Variants in TRAF6 observed in about 807,000 individuals in gnomAD.
TRAF6 encodes TNF receptor-associated factor 6.
In TRAF6, 10 loss-of-function variants were observed where a neutral mutation model predicts 48.4. That is an observed-to-expected ratio of 0.21 (90% CI 0.13 to 0.35). The LOEUF is 0.35. Among genes scored for constraint, TRAF6 ranks in the 10% least tolerant of loss-of-function variants. The pLI is 1.00. For missense variants in TRAF6, 397 were observed against 661.0 expected, an observed-to-expected ratio of 0.60 and a Z score of 4.38; for synonymous variants, 186 against 219.6, an observed-to-expected ratio of 0.85 and a Z score of 1.35.
intron 6 of TRAF6, among the ~76,000 whole-genome samples, chr11:36,492,112 T>A (rs1167783776): frequency 2.0e-5 from 3 of 152,168 alleles, no homozygotes; most frequent in African/African-American, 7.2e-5. Context: ...GGCTCCTAGG[T>A]CTATCTTGAC....
intron 1 of TRAF6, among the ~76,000 whole-genome samples, chr11:36,504,185 A>G (rs1205776353): frequency 6.9e-6 from 1 of 145,082 alleles, no homozygotes; most frequent in Non-Finnish European, 1.5e-5. Flanking sequence ...AATTTCTCAA[A>G]ATAATACAAC....
intron 1 of TRAF6, among the ~76,000 whole-genome samples, chr11:36,509,824 G>C (rs189978633): frequency 6.6e-6 from 1 of 151,892 alleles, no homozygotes; most frequent in Non-Finnish European, 1.5e-5. Context: ...GGAAGCGAGA[G>C]GACAGGGGCG....
chr11:36,497,610 A>C (rs377586519), intron 3 of TRAF6, among the ~76,000 whole-genome samples: 4 of 152,240 alleles, frequency 2.6e-5, no homozygotes, highest in African/African-American at 9.6e-5. Flanking sequence ...TATCTGCCTT[A>C]AACATTTAAT....
intron 1 of TRAF6, among the ~76,000 whole-genome samples, chr11:36,508,089 C>T (rs2133682053): frequency 6.6e-6 from 1 of 151,996 alleles, no homozygotes; most frequent in African/African-American, 2.4e-5. Context: ...GCTATCCTCC[C>T]ACCTCAGCCT....
chr11:36,505,512 G>C (rs1467203922), intron 1 of TRAF6, among the ~76,000 whole-genome samples: 1 of 152,180 alleles, frequency 6.6e-6, no homozygotes, highest in Non-Finnish European at 1.5e-5. Context: ...TTAGGTTTTG[G>C]ATTAAGGAAA....
At chr11:36,491,878 G>C (rs1027458377) in intron 6 of TRAF6, among the ~76,000 whole-genome samples, 6 of 152,118 alleles carry the variant, frequency 3.9e-5, no homozygotes, top group Non-Finnish European at 8.8e-5. Context: ...TCCCTAGCTG[G>C]GTGAAGTCAT....
intron 5 of TRAF6, among the ~76,000 whole-genome samples, chr11:36,493,400 A>C (rs1187077817): frequency 1.3e-5 from 2 of 152,276 alleles, no homozygotes; most frequent in East Asian, 1.9e-4. Context: ...GGGGCCAATA[A>C]AATTTTTTGT....
In TRAF6 at chr11:36,498,651, C is replaced by G; in HGVS notation, c.297-11G>C. 6.3e-7 allele frequency: 1 copy of G among 1,596,234 alleles called. No individual in the cohort carries two copies. The highest frequency in any genetic ancestry group is 1.1e-5 in the South Asian group (1 of 87,590). On this transcript the variant is annotated splice_polypyrimidine_tract_variant and intron_variant, in intron 2 of 6. Transcript: ENST00000526995. ...TTGTGACCTGCATCCCTAACAGAAACAAAATACACACAATTAGATTTAAAG... is the reference window on the plus strand; with the variant it reads ...TTGTGACCTGCATCCCTAACAGAAAGAAAATACACACAATTAGATTTAAAG...
chr11:36,503,164 A>G (rs1407663572), intron 1 of TRAF6, among the ~76,000 whole-genome samples: 3 of 152,074 alleles, frequency 2.0e-5, no homozygotes, highest in Non-Finnish European at 4.4e-5. Flanking sequence ...TTTAAAATTT[A>G]TTTGCCTTTA....
Position 36,495,125 on chromosome 11 carries a change from A to C in TRAF6, c.607-78T>G, listed in dbSNP as rs972398248. On this transcript the variant is annotated intron_variant, in intron 4 of 6. Coordinates refer to ENST00000526995, the MANE Select transcript of TRAF6 (RefSeq NM_004620.4). ...AAAACAACTAATTTTGATAAAAAGC[A>C]ATTTTTCACTATAAACAAATAAGGA... 3.5e-5 allele frequency: 37 copies of C among 1,060,436 alleles called. No individual in the cohort carries two copies. In the East Asian group the frequency reaches 5.3e-4, roughly 15 times the overall value. The allele number at this position is 1,060,436 out of a possible 1,614,324, so 65.7% of individuals were successfully genotyped here.
Position 36,486,381 on chromosome 11 carries a change from G to A in TRAF6, c.*3457C>T, listed in dbSNP as rs1386261610. Among the ~76,000 whole-genome samples the A allele has an allele frequency of 6.6e-6, 1 of 152,086 alleles. No individual in the cohort carries two copies. Among genetic ancestry groups the A allele is most frequent in the Non-Finnish European group, 1.5e-5 (1 of 68,034 alleles). ...AAATAATGAGTAGAACTTGAGGCAA[G>A]CCAAGAGAACAGTGTTAGTACATAC... is the stretch of plus-strand genomic sequence containing the variant. On this transcript the variant is annotated 3_prime_UTR_variant, in exon 7 of 7. Transcript: ENST00000526995.
At position 36,488,154 on chromosome 11, in the gene TRAF6, T is replaced by C. The variant is rs1165532254; in HGVS notation, c.*1684A>G. On this transcript the variant is annotated 3_prime_UTR_variant, in exon 7 of 7. Transcript: ENST00000526995. ...GTATGCAGTGATTCTCAGGCGCTGG[T>C]TGGAAGGCACAGCTGAGGGACACAA... The C allele has an allele frequency of 3.9e-5, 6 of 152,166 alleles. No individual in the cohort carries two copies. Among genetic ancestry groups the C allele is most frequent in the Admixed American group, 6.5e-5 (1 of 15,274 alleles). The allele number at this position is 152,166 out of a possible 1,614,324, so 9.4% of individuals were successfully genotyped here. A position where few individuals can be genotyped will look rare whatever the true frequency, so the allele number is the denominator to read the frequency against.
At chr11:36,497,078 T>C in intron 4 of TRAF6, 30 bp downstream of exon 4, 3 of 1,606,570 alleles carry the variant, frequency 1.9e-6, no homozygotes, top group Non-Finnish European at 8.5e-7. Context: ...TAAGAAGTAG[T>C]GAATTTAACA....
intron 3 of TRAF6, among the ~76,000 whole-genome samples, chr11:36,497,532 T>A (rs1192910537): frequency 6.6e-6 from 1 of 152,208 alleles, no homozygotes; most frequent in South Asian, 2.1e-4. Context: ...TTCCTATTTA[T>A]CAATTTATTA....
chr11:36,497,308 A>ATC lies in TRAF6; in HGVS notation c.448-43_448-42insGA, dbSNP rs1313236690. The ATC allele has an allele frequency of 3.8e-6, 6 of 1,575,630 alleles. No homozygotes were observed. In the South Asian group the frequency reaches 7.0e-5, roughly 18 times the overall value. On this transcript the variant is annotated intron_variant, in intron 3 of 6. Coordinates refer to ENST00000526995, the MANE Select transcript of TRAF6 (RefSeq NM_004620.4). ...AATGGATTAGCATTAGCCAACTCTG[A>ATC]AGTCTTCTACATATAAGCTCTCCTA...
chr11:36,497,281 A>T lies in TRAF6; in HGVS notation c.448-15T>A. ...GCTTGATGATCCTATAATTAAAAAAATAATGGATTAGCATTAGCCAACTCT... is the reference window on the plus strand; with the variant it reads ...GCTTGATGATCCTATAATTAAAAAATTAATGGATTAGCATTAGCCAACTCT... On this transcript the variant is annotated splice_polypyrimidine_tract_variant and intron_variant, in intron 3 of 6. Coordinates refer to ENST00000526995, the MANE Select transcript of TRAF6 (RefSeq NM_004620.4). 1 of 1,604,194 alleles carries T rather than the reference A, an allele frequency of 6.2e-7. No individual in the cohort carries two copies.
At chr11:36,503,578 G>A (rs5030499) in intron 1 of TRAF6, among the ~76,000 whole-genome samples, 2,008 of 152,172 alleles carry the variant, frequency 0.013, 30 homozygotes, top group East Asian at 0.069. Context: ...CCCCGAGCCC[G>A]GCTGTGGTTT....
At position 36,490,235 on chromosome 11, in the gene TRAF6, A is replaced by G; in HGVS notation, c.1172T>C (p.Met391Thr). Residue 391 changes from methionine (M) to threonine (T), a missense_variant, in exon 7 of 7, where the codon ATG (methionine) becomes ACG (threonine). Around this residue, in one of 4 missense-constraint regions of TRAF6, gnomAD observed 74 missense variants for 198.9 expected, o/e 0.37. Coordinates refer to ENST00000526995, the MANE Select transcript of TRAF6 (RefSeq NM_004620.4). This position sits in a 1 kb window ranked among gnomAD's most constrained non-coding sequence, Gnocchi z 6.4. ...YTGKPGYKLCMRLHLQLPTAQ... is the reference protein window; with the variant it reads ...YTGKPGYKLCTRLHLQLPTAQ... The stretch of plus-strand genomic sequence containing the variant: ...AGTCGGTAACTGAAGGTGCAAGCGC[A>G]TGCACAGTTTGTACCCGGGTTTGCC... The G allele has an allele frequency of 6.2e-7, 1 of 1,614,234 alleles. No individual in the cohort carries two copies. Among genetic ancestry groups the G allele is most frequent in the Non-Finnish European group, 8.5e-7 (1 of 1,180,042 alleles).
intron 4 of TRAF6, among the ~76,000 whole-genome samples, chr11:36,495,619 C>T (rs993581930): frequency 6.6e-6 from 1 of 152,130 alleles, no homozygotes; most frequent in African/African-American, 2.4e-5. Context: ...TCGGGCCGGG[C>T]GTGGTGGCTC....
Sources: allele counts gnomAD v4.1 joint callset (sites outside exome capture counted in the v4.1 genomes callset), GRCh38; gene constraint gnomAD v4.1.1; regional missense constraint gnomAD v4.1.1; non-coding constraint Gnocchi (gnomAD v3.1); transcripts MANE v1.5; gene names NCBI Gene and HGNC (gene_info 2026-07-23, HGNC 2026-07-21).